SLC66A3: variants seen among roughly 807,000 people sequenced by gnomAD.
SLC66A3 encodes the protein PQ loop repeat containing 3.
SLC66A3 carries 23 observed loss-of-function variants against 25.5 expected under a neutral mutation model. The observed-to-expected ratio is 0.90, with a 90% CI of 0.65 to 1.28. The LOEUF is 1.28. Among genes scored for constraint, SLC66A3 ranks in the 50% most tolerant of loss-of-function variants. The pLI is 0.00. For missense variants in SLC66A3, 246 were observed against 262.1 expected (o/e 0.94, Z 0.42); for synonymous variants, 108 against 112.6 (o/e 0.96, Z 0.26).
Position 11,171,944 on chromosome 2 carries a change from G to A in SLC66A3, c.374G>A (p.Ser125Asn), listed in dbSNP as rs546479821. ...DLAMNLCTFI[S>N]AASKFAQLQC... ...AAACAGAATCTATGTACTTTCATCA[G>A]CGCGGCCAGTAAGTTTGCACAGCTC... Residue 125 changes from serine to asparagine, a missense_variant, in exon 5 of 7, where the codon AGC (serine) becomes AAC (asparagine). Ser to Asn is a conservative substitution (Grantham distance 46). Transcript: ENST00000295083. 3.3e-5 allele frequency: 54 copies of A among 1,613,856 alleles called. No individual in the cohort carries two copies. Among genetic ancestry groups the A allele is most frequent in the Non-Finnish European group, 4.6e-5 (54 of 1,179,942 alleles).
chr2:11,160,382 C>A, intron 1 of SLC66A3, 84 bp from the exon 2 acceptor site: 2 of 1,204,228 alleles, frequency 1.7e-6, no homozygotes, highest in Non-Finnish European at 2.5e-6. Context: ...ATTCGGCAAA[C>A]TGACCTCAGT....
chr2:11,166,557 A>G (rs1440922782), intron 4 of SLC66A3, among the ~76,000 whole-genome samples: 1 of 152,224 alleles, frequency 6.6e-6, no homozygotes, highest in Non-Finnish European at 1.5e-5. Context: ...TAGGGTTGCC[A>G]TATTAACAAG....
intron 4 of SLC66A3, among the ~76,000 whole-genome samples, chr2:11,164,794 C>T (rs1189115201): frequency 6.6e-6 from 1 of 152,000 alleles, no homozygotes; most frequent in Non-Finnish European, 1.5e-5. Context: ...CTTGCACCGC[C>T]CTTAATCCAT....
chr2:11,158,971 C>T (rs755530632), intron 1 of SLC66A3, among the ~76,000 whole-genome samples: 111 of 152,208 alleles, frequency 7.3e-4, no homozygotes, highest in Non-Finnish European at 1.2e-3. Flanking sequence ...AGATCAGCCT[C>T]GGGAAATCCA....
Sources: allele counts gnomAD v4.1 joint callset (sites outside exome capture counted in the v4.1 genomes callset), GRCh38; gene constraint gnomAD v4.1.1; transcripts MANE v1.5; gene names NCBI Gene and HGNC (gene_info 2026-07-23, HGNC 2026-07-21).